The following DLGAP2 variants were observed in gnomAD, a reference collection of about 807,000 sequenced individuals.
The protein encoded by DLGAP2 is DLG associated protein 2, also known as disks large-associated protein 2.
A neutral mutation model predicts 100.3 loss-of-function variants in DLGAP2; 26 were observed. The ratio of observed to expected loss-of-function variants is 0.26; its 90% CI spans 0.19 to 0.36. The LOEUF (loss-of-function observed/expected upper bound fraction) is 0.36, where lower values mean the gene tolerates loss of function less well. Ranked by LOEUF, DLGAP2 falls within the 10% of genes least tolerant of loss-of-function variation. The pLI, the probability that DLGAP2 is intolerant of heterozygous loss-of-function variation, is 1.00. For missense variants in DLGAP2, 1,858 were observed against 1,453.2 expected (o/e 1.28, Z -4.53); for synonymous variants, 886 against 630.1 (o/e 1.41, Z -6.08).
At chr8:1,286,363 C>G (rs1176429347) in intron 3 of DLGAP2, among the ~76,000 whole-genome samples, 2 of 152,128 alleles carry the variant, frequency 1.3e-5, no homozygotes, top group African/African-American at 4.8e-5. Flanking sequence ...AGTGTGACAG[C>G]CGACTAATAT....
At chr8:1,212,556 G>GGA (rs1238739275) in intron 2 of DLGAP2, among the ~76,000 whole-genome samples, 1 of 152,070 alleles carries the variant, frequency 6.6e-6, no homozygotes, top group African/African-American at 2.4e-5. Context: ...GCAGTGTAGT[G>GGA]GAGAGAGAGA....
chr8:1,633,532 T>C (rs1339955759), intron 8 of DLGAP2, among the ~76,000 whole-genome samples: 1 of 152,164 alleles, frequency 6.6e-6, no homozygotes, highest in Non-Finnish European at 1.5e-5. Flanking sequence ...ATCTTAGAGC[T>C]CCGAAGACTC....
At chr8:1,491,411 C>G (rs918750168) in intron 3 of DLGAP2, among the ~76,000 whole-genome samples, 4 of 152,258 alleles carry the variant, frequency 2.6e-5, no homozygotes, top group African/African-American at 9.6e-5. Flanking sequence ...AGGCTTCCGG[C>G]TGCTCCCCCT....
At chr8:1,664,255 C>T (rs1030544506) in intron 8 of DLGAP2, among the ~76,000 whole-genome samples, 4 of 152,062 alleles carry the variant, frequency 2.6e-5, no homozygotes, top group African/African-American at 7.2e-5. Flanking sequence ...ACACAGGCCA[C>T]GTCTACTAGC....
At chr8:1,560,362 C>T (rs2130555917) in intron 5 of DLGAP2, among the ~76,000 whole-genome samples, 1 of 152,206 alleles carries the variant, frequency 6.6e-6, no homozygotes, top group East Asian at 1.9e-4. Flanking sequence ...GCTTTTCGCC[C>T]TCGTGAGCAT....
intron 2 of DLGAP2, among the ~76,000 whole-genome samples, chr8:1,174,925 G>A (rs1489744727): frequency 6.6e-6 from 1 of 151,858 alleles, no homozygotes; most frequent in African/African-American, 2.4e-5. Flanking sequence ...AGCTTATGTT[G>A]TTCATCACCC....
chr8:1,247,283 A>G (rs34252614), intron 2 of DLGAP2, among the ~76,000 whole-genome samples: 2,301 of 49,330 alleles, frequency 0.047, 518 homozygotes, highest in South Asian at 0.088. Context: ...GATGGTCCAC[A>G]TCGGTGGCTG....
Position 1,471,450 on chromosome 8 carries a change from G to A in DLGAP2, c.107-29916G>A, listed in dbSNP as rs540603405. 9.1e-4 allele frequency among the ~76,000 whole-genome samples: 138 copies of A among 151,502 alleles called. 1 individual carries two copies. The highest frequency in any genetic ancestry group is 3.0e-3 in the African/African-American group (124 of 41,226). ...AACAAGGCTTCCATCTGCCTGTGAC[G>A]CAGGACATCCCCAGCCTCCTCACCT... is the stretch of plus-strand genomic sequence containing the variant. On this transcript the variant is annotated intron_variant, in intron 3 of 14. Coordinates refer to ENST00000637795, the MANE Select transcript of DLGAP2 (RefSeq NM_001346810.2).
chr8:1,463,809 C>T (rs935293614), intron 3 of DLGAP2, among the ~76,000 whole-genome samples: 2 of 152,192 alleles, frequency 1.3e-5, no homozygotes, highest in Non-Finnish European at 2.9e-5. Context: ...ACGAGGGCTT[C>T]AGGAGCTGTG....
chr8:1,572,290 T>G (rs1584941751), intron 6 of DLGAP2, among the ~76,000 whole-genome samples: 3 of 88,428 alleles, frequency 3.4e-5, no homozygotes, highest in African/African-American at 4.8e-5. Context: ...AGGTGAACTG[T>G]GGGGGCATCT....
At chr8:1,175,143 GTTAAATGT>G (rs943755169) in intron 2 of DLGAP2, among the ~76,000 whole-genome samples, 9 of 152,010 alleles carry the variant, frequency 5.9e-5, no homozygotes, top group Admixed American at 3.3e-4. Flanking sequence ...AATCTATTTT[GTTAAATGT>G]TAAAATTTAT....
chr8:1,197,602 A>G (rs544447496), intron 2 of DLGAP2, among the ~76,000 whole-genome samples: 7 of 151,340 alleles, frequency 4.6e-5, no homozygotes, highest in South Asian at 2.1e-4. Context: ...AGCGAAGCCA[A>G]TGTGGAGCAT....
intron 2 of DLGAP2, among the ~76,000 whole-genome samples, chr8:1,040,378 TTCCGTGGTCAGCTCGGTG>T (rs1802303709): frequency 9.2e-6 from 1 of 108,940 alleles, no homozygotes; most frequent in Non-Finnish European, 1.9e-5. Flanking sequence ...TCAGCTTGGT[TTCCGTGGTCAGCTCGGTG>T]TGCGTGGTCG....
intron 3 of DLGAP2, among the ~76,000 whole-genome samples, chr8:1,417,510 G>C (rs1011308844): frequency 6.6e-6 from 1 of 152,228 alleles, no homozygotes; most frequent in African/African-American, 2.4e-5. Flanking sequence ...CACCAGGGCA[G>C]GCATAGTACA....
At chr8:901,127 T>A (rs767644485) in intron 1 of DLGAP2, among the ~76,000 whole-genome samples, 251 of 152,244 alleles carry the variant, frequency 1.6e-3, no homozygotes, top group Non-Finnish European at 2.9e-3. Flanking sequence ...TTAAAAAAAA[T>A]TGTTTTTTAA....
chr8:1,001,348 G>T (rs956648637), intron 2 of DLGAP2, among the ~76,000 whole-genome samples: 1 of 152,158 alleles, frequency 6.6e-6, no homozygotes, highest in Non-Finnish European at 1.5e-5. Context: ...ACATAAGTTT[G>T]TGTTACGTCC....
intron 6 of DLGAP2, chr8:1,604,624 T>C (rs80011732): frequency 5.8e-5 from 1 of 17,238 alleles, no homozygotes; most frequent in Non-Finnish European, 1.7e-4. Context: ...TATTACATAC[T>C]AGCATGCGGA....
intron 2 of DLGAP2, among the ~76,000 whole-genome samples, chr8:951,282 G>A (rs1223403530): frequency 6.6e-6 from 1 of 152,158 alleles, no homozygotes; most frequent in Non-Finnish European, 1.5e-5. Context: ...AATGTATTCT[G>A]TTGCCCTGGC....
chr8:1,306,197 C>T (rs894300202), intron 3 of DLGAP2, among the ~76,000 whole-genome samples: 2 of 151,946 alleles, frequency 1.3e-5, no homozygotes, highest in East Asian at 1.9e-4. Flanking sequence ...GATTCCCCCC[C>T]ACCCACACAC....
Sources: allele counts gnomAD v4.1 joint callset (sites outside exome capture counted in the v4.1 genomes callset), GRCh38; gene constraint gnomAD v4.1.1; transcripts MANE v1.5; gene names NCBI Gene and HGNC (gene_info 2026-07-23, HGNC 2026-07-21).